The following NRXN1 variants were observed in gnomAD, a reference collection of about 807,000 sequenced individuals.
The protein encoded by NRXN1 is neurexin-1.
Under a neutral mutation model 150.9 loss-of-function variants are expected in NRXN1, and 39 were observed. The ratio of observed to expected loss-of-function variants is 0.26; its 90% CI spans 0.20 to 0.34. The LOEUF (loss-of-function observed/expected upper bound fraction) is 0.34. Among genes scored for constraint, NRXN1 ranks in the 10% least tolerant of loss-of-function variants. The pLI is 1.00. For missense variants in NRXN1, 1,815 were observed against 1,949.9 expected, an observed-to-expected ratio of 0.93 and a Z score of 1.30; for synonymous variants, 924 against 757.0, an observed-to-expected ratio of 1.22 and a Z score of -3.62.
At chr2:50,260,900 G>C (rs896375341) in intron 17 of NRXN1, among the ~76,000 whole-genome samples, 1 of 151,632 alleles carries the variant, frequency 6.6e-6, no homozygotes. Context: ...CTCCTCCAAA[G>C]TACAGATTCA....
At chr2:50,916,502 T>G (rs756343252) in intron 5 of NRXN1, among the ~76,000 whole-genome samples, 9 of 150,974 alleles carry the variant, frequency 6.0e-5, no homozygotes, top group South Asian at 2.1e-4. Context: ...AAAAAGTACA[T>G]TTGCAAATGT....
At chr2:50,278,264 T>TTATATATATATATTATATATATTA (rs373512653) in intron 17 of NRXN1, among the ~76,000 whole-genome samples, 826 of 66,206 alleles carry the variant, frequency 0.012, 25 homozygotes, top group African/African-American at 0.044. Context: ...ATTATATATA[T>TTATATATATATATTATATATATTA]TATATATGTA....
intron 2 of NRXN1, among the ~76,000 whole-genome samples, chr2:51,012,672 A>G (rs1223618056): frequency 1.3e-5 from 2 of 151,834 alleles, no homozygotes; most frequent in Non-Finnish European, 1.5e-5. Flanking sequence ...CTAACATCTC[A>G]CCTCCTCCTG....
chr2:50,231,124 T>C (rs930725536), intron 18 of NRXN1, among the ~76,000 whole-genome samples: 6 of 152,042 alleles, frequency 3.9e-5, no homozygotes, highest in African/African-American at 1.4e-4. Flanking sequence ...CAACATATGA[T>C]TTACAGGACT....
chr2:49,982,008 T>C (rs1680069830), intron 21 of NRXN1, among the ~76,000 whole-genome samples: 1 of 152,118 alleles, frequency 6.6e-6, no homozygotes, highest in African/African-American at 2.4e-5. Context: ...CTCCAGGTGA[T>C]CCTGACGTAG....
At position 50,493,718 on chromosome 2, in the gene NRXN1, G is replaced by C. The variant is rs2091397236; in HGVS notation, c.3070+2187C>G. On this transcript the variant is annotated intron_variant, in intron 15 of 22. Transcript: ENST00000401669. ...TGCCATCGGATCACATACCCAATTT[G>C]TTAGCTCAAACTTGGACTAATTTTA... 2.0e-5 allele frequency among the ~76,000 whole-genome samples: 3 copies of C among 152,260 alleles called. No individual in the cohort carries two copies. In the South Asian group the frequency reaches 6.2e-4, roughly 32 times the overall value.
chr2:50,385,233 C>T (rs2081248425), intron 17 of NRXN1, among the ~76,000 whole-genome samples: 1 of 152,152 alleles, frequency 6.6e-6, no homozygotes, highest in Admixed American at 6.6e-5. Context: ...CCATTGCAGT[C>T]TGTGCATCAA....
chr2:50,179,684 A>G (rs2060577919), intron 18 of NRXN1, among the ~76,000 whole-genome samples: 1 of 152,202 alleles, frequency 6.6e-6, no homozygotes, highest in Non-Finnish European at 1.5e-5. Context: ...TCCCAAAATT[A>G]TAAATAAATT....
In NRXN1 at chr2:49,921,932, A is replaced by C. The variant is rs200806269; in HGVS notation, c.*12T>G. The C allele has an allele frequency of 1.3e-5, 21 of 1,612,562 alleles. No homozygotes were observed. Among genetic ancestry groups the C allele is most frequent in the Non-Finnish European group, 1.7e-5 (20 of 1,178,702 alleles). The stretch of plus-strand genomic sequence containing the variant: ...ACTATTTCTATACAAGTGTCCATTT[A>C]AGATCTTGGGATCAGACATAATACT... On this transcript the variant is annotated 3_prime_UTR_variant, in exon 23 of 23. Transcript: ENST00000401669.
intron 17 of NRXN1, among the ~76,000 whole-genome samples, chr2:50,310,986 A>G (rs1470636387): frequency 1.3e-5 from 2 of 152,152 alleles, no homozygotes; most frequent in Non-Finnish European, 2.9e-5. Flanking sequence ...GTATAACATA[A>G]ATTCCATTTT....
At chr2:50,758,671 C>T (rs185134421) in intron 5 of NRXN1, among the ~76,000 whole-genome samples, 3 of 152,006 alleles carry the variant, frequency 2.0e-5, no homozygotes, top group African/African-American at 7.2e-5. Context: ...ATGAATTCGA[C>T]TGGTGGCTCA....
chr2:50,760,135 G>A (rs1403963419), intron 5 of NRXN1, among the ~76,000 whole-genome samples: 2 of 151,816 alleles, frequency 1.3e-5, no homozygotes, highest in African/African-American at 2.4e-5. Flanking sequence ...CATGTCAATT[G>A]TTATGATTCA....
rs1181056694 is a variant in NRXN1 at position 49,920,393 on chromosome 2, G to A, written c.*1551C>T. The A allele has an allele frequency of 6.6e-6, 1 of 152,548 alleles. No individual in the cohort carries two copies. The highest frequency in any genetic ancestry group is 1.5e-5 in the Non-Finnish European group (1 of 68,026). 9.4% of individuals were successfully genotyped at this position (152,548 alleles called of 1,614,324 possible). ...TTTATTAGAAAGAAAGTTTTCAATT[G>A]CAGCAGCCAGAGTTAAGGTGTAGAT... On this transcript the variant is annotated 3_prime_UTR_variant, in exon 23 of 23. Transcript: ENST00000401669.
chr2:50,697,581 C>T (rs538347015), intron 5 of NRXN1, among the ~76,000 whole-genome samples: 1 of 152,292 alleles, frequency 6.6e-6, no homozygotes, highest in East Asian at 1.9e-4. Flanking sequence ...CCTAACGCGA[C>T]ACTCCCCTGA....
chr2:50,922,605 C>A (rs1319218281), intron 4 of NRXN1, 53 bp downstream of exon 4: 2 of 1,586,550 alleles, frequency 1.3e-6, no homozygotes, highest in Admixed American at 1.7e-5. Flanking sequence ...TTGAAAGCAG[C>A]TACAGAACAA....
intron 19 of NRXN1, among the ~76,000 whole-genome samples, chr2:50,066,341 T>C (rs1695358942): frequency 6.6e-6 from 1 of 152,092 alleles, no homozygotes; most frequent in Non-Finnish European, 1.5e-5. Context: ...AAGATTTAAG[T>C]AAAAGTTCAA....
intron 17 of NRXN1, among the ~76,000 whole-genome samples, chr2:50,433,256 T>A (rs1248041500): frequency 6.6e-6 from 1 of 152,214 alleles, no homozygotes; most frequent in African/African-American, 2.4e-5. Flanking sequence ...AGAAATTCAT[T>A]ACTGTTGAAG....
chr2:50,699,855 C>T (rs1693476638), intron 5 of NRXN1, among the ~76,000 whole-genome samples: 1 of 152,054 alleles, frequency 6.6e-6, no homozygotes, highest in African/African-American at 2.4e-5. Flanking sequence ...TTTACAGCAA[C>T]CATAGGAAAG....
intron 2 of NRXN1, among the ~76,000 whole-genome samples, chr2:51,011,238 C>T (rs1321857933): frequency 6.6e-6 from 1 of 151,750 alleles, no homozygotes; most frequent in Non-Finnish European, 1.5e-5. Context: ...TGACCATTAC[C>T]GACAATATTC....
Sources: allele counts gnomAD v4.1 joint callset (sites outside exome capture counted in the v4.1 genomes callset), GRCh38; gene constraint gnomAD v4.1.1; transcripts MANE v1.5; gene names NCBI Gene and HGNC (gene_info 2026-07-23, HGNC 2026-07-21).